FMN1: variants seen among roughly 807,000 people sequenced by gnomAD.
FMN1 encodes the protein formin-1.
Under a neutral mutation model 132.4 loss-of-function variants are expected in FMN1, and 110 were observed. That is an observed-to-expected ratio of 0.83 (90% confidence interval 0.71 to 0.97). The LOEUF (loss-of-function observed/expected upper bound fraction) is 0.97. FMN1 is among the 50% of genes least tolerant of loss of function. The pLI is 0.00. For missense variants in FMN1, 1,792 were observed against 1,705.3 expected, an observed-to-expected ratio of 1.05 and a Z score of -0.90; for synonymous variants, 722 against 651.7, an observed-to-expected ratio of 1.11 and a Z score of -1.64.
At chr15:32,919,157 T>TGGG (rs36036866) in intron 10 of FMN1, among the ~76,000 whole-genome samples, 25 of 151,654 alleles carry the variant, frequency 1.6e-4, no homozygotes, top group Admixed American at 9.9e-4. Context: ...CATATTGTGA[T>TGGG]GGGGGGGGTA....
intron 6 of FMN1, among the ~76,000 whole-genome samples, chr15:33,048,043 A>C (rs966068354): frequency 6.6e-6 from 1 of 152,252 alleles, no homozygotes; most frequent in African/African-American, 2.4e-5. Flanking sequence ...AAAAATTAAA[A>C]ACTGTAATGC....
chr15:32,777,502 A>ATATATT (rs1491132880), intron 19 of FMN1, among the ~76,000 whole-genome samples: 8 of 141,392 alleles, frequency 5.7e-5, no homozygotes, highest in African/African-American at 7.8e-5. Context: ...ATTACGTATA[A>ATATATT]CATATAACAC....
rs200289402 is a variant in FMN1, at chr15:33,008,073, A to G, written c.2164T>C (p.Tyr722His). ...TTCAAGTGTAAAATAGCAGCTTGGT[A>G]TTCTGTAAAATCAAAAAAGAGGCCA... Reference protein sequence around the residue: ...KVGLKYTEAEYQAAILHLKRE... With the variant: ...KVGLKYTEAEHQAAILHLKRE... Residue 722 changes from tyrosine to histidine, a missense_variant and splice_region_variant, in exon 7 of 21, where the codon TAC becomes CAC. Physicochemically the swap from Tyr to His is moderately conservative, Grantham distance 83. Around this residue, in one of 3 missense-constraint regions of FMN1, gnomAD observed 1,150 missense variants for 1,043.1 expected, o/e 1.10. Coordinates refer to ENST00000616417, the MANE Select transcript of FMN1 (RefSeq NM_001277313.2). 1.3e-5 allele frequency: 20 copies of G among 1,591,838 alleles called. No individual in the cohort carries two copies. In the East Asian group the frequency reaches 4.5e-4, roughly 36 times the overall value.
intron 7 of FMN1, among the ~76,000 whole-genome samples, chr15:32,995,409 T>G (rs2033705482): frequency 6.6e-6 from 1 of 152,158 alleles, no homozygotes; most frequent in African/African-American, 2.4e-5. Context: ...CTGCGTAATA[T>G]TAGGTCCTCA....
chr15:32,827,518 C>T (rs960775778), intron 17 of FMN1, among the ~76,000 whole-genome samples: 4 of 152,104 alleles, frequency 2.6e-5, no homozygotes, highest in African/African-American at 9.7e-5. Flanking sequence ...AATCATTTCA[C>T]ATTATTGTCT....
At position 33,155,019 on chromosome 15, in the gene FMN1, G is replaced by T; in HGVS notation, c.-105C>A. On this transcript the variant is annotated 5_prime_UTR_variant, in exon 4 of 21. Transcript: ENST00000616417. Reference sequence around the variant, plus strand: ...TGGTGGCTATGCAGAGAAAGCAGCTGACAGTCATCTCCAGCAATGAGACTG... The same window carrying T: ...TGGTGGCTATGCAGAGAAAGCAGCTTACAGTCATCTCCAGCAATGAGACTG... 1.2e-6 allele frequency: 1 copy of T among 868,054 alleles called. No individual in the cohort carries two copies. The highest frequency in any genetic ancestry group is 1.7e-6 in the Non-Finnish European group (1 of 580,844). The allele number at this position is 868,054 out of a possible 1,614,324, so 53.8% of individuals were successfully genotyped here.
chr15:32,905,104 C>CTAA (rs1414795381), intron 12 of FMN1, among the ~76,000 whole-genome samples: 1 of 152,182 alleles, frequency 6.6e-6, no homozygotes, highest in East Asian at 1.9e-4. Context: ...CCAATGTAGG[C>CTAA]TAATACTTCT....
chr15:33,111,593 G>A lies in FMN1; in HGVS notation c.1868-22619C>T, dbSNP rs557120286. 1.5e-4 allele frequency among the ~76,000 whole-genome samples: 23 copies of A among 148,406 alleles called. 1 individual carries two copies. The highest frequency in any genetic ancestry group is 1.0e-3 in the Admixed American group (15 of 14,994). On this transcript the variant is annotated intron_variant, in intron 4 of 20. Transcript: ENST00000616417. ...ATAACTCAAATGTTTGTCTACTTAT[G>A]AATGGATAAACAAAATGTGCTATAT...
intron 7 of FMN1, among the ~76,000 whole-genome samples, chr15:33,000,256 C>G (rs1314148717): frequency 6.6e-6 from 1 of 151,850 alleles, no homozygotes; most frequent in Non-Finnish European, 1.5e-5. Flanking sequence ...AAGACTATGC[C>G]GGCTAACACG....
chr15:33,033,550 T>C (rs2036045759), intron 6 of FMN1, among the ~76,000 whole-genome samples: 1 of 152,116 alleles, frequency 6.6e-6, no homozygotes, highest in African/African-American at 2.4e-5. Context: ...TACATCAAAT[T>C]TTCCCTCTCT....
chr15:33,043,443 A>T (rs551270355), intron 6 of FMN1, among the ~76,000 whole-genome samples: 1 of 152,164 alleles, frequency 6.6e-6, no homozygotes, highest in Non-Finnish European at 1.5e-5. Context: ...TTTCCTGTAC[A>T]TCACTTGCCT....
At chr15:32,941,098 C>T (rs1290198918) in intron 9 of FMN1, among the ~76,000 whole-genome samples, 1 of 152,042 alleles carries the variant, frequency 6.6e-6, no homozygotes, top group African/African-American at 2.4e-5. Context: ...GCTGCAGGAA[C>T]CAATAATATG....
chr15:32,880,599 T>C (rs1288357702), intron 16 of FMN1, among the ~76,000 whole-genome samples: 1 of 152,208 alleles, frequency 6.6e-6, no homozygotes. Context: ...CTTTCTTTAG[T>C]AGCATCCTGA....
rs542653773 is a variant in FMN1 at position 33,051,731 on chromosome 15, A to C, written c.2161+13226T>G. ...CTCAAGTGAGCACGTGTACAACTCC[A>C]ATAAACACACTGTACATGCAGCCCC... On this transcript the variant is annotated intron_variant, in intron 6 of 20. Transcript: ENST00000616417. Among the ~76,000 whole-genome samples the C allele has an allele frequency of 2.0e-4, 31 of 152,328 alleles. No individual in the cohort carries two copies. The South Asian group carries it at 2.5e-3, about 12-fold the overall frequency.
At chr15:33,110,472 T>A (rs1566924151) in intron 4 of FMN1, among the ~76,000 whole-genome samples, 1 of 152,012 alleles carries the variant, frequency 6.6e-6, no homozygotes, top group East Asian at 1.9e-4. Context: ...TTTTTTCGTA[T>A]CCTTATGAAT....
intron 17 of FMN1, among the ~76,000 whole-genome samples, chr15:32,852,112 T>C (rs923730632): frequency 6.6e-6 from 1 of 152,210 alleles, no homozygotes; most frequent in Non-Finnish European, 1.5e-5. Context: ...ACTTGAACCT[T>C]TGTCTCATCT....
intron 4 of FMN1, chr15:33,105,791 A>G (rs1033193347): frequency 1.3e-5 from 2 of 148,426 alleles, no homozygotes; most frequent in Non-Finnish European, 3.0e-5. Flanking sequence ...TAAGGTTATA[A>G]AATGTTGTAA....
intron 19 of FMN1, among the ~76,000 whole-genome samples, chr15:32,787,197 T>C (rs768907004): frequency 3.9e-5 from 6 of 152,230 alleles, no homozygotes; most frequent in Non-Finnish European, 8.8e-5. Flanking sequence ...AGGGAAATTT[T>C]TTCCTTGCTG....
chr15:32,901,709 C>T (rs568706165), intron 13 of FMN1, among the ~76,000 whole-genome samples: 9 of 152,126 alleles, frequency 5.9e-5, no homozygotes, highest in Middle Eastern at 3.4e-3. Flanking sequence ...CCTCCTTCTC[C>T]CTCTTCATCC....
Sources: gnomAD v4.1 joint callset for allele counts (sites outside exome capture counted in the v4.1 genomes callset) on GRCh38, gnomAD v4.1.1 for gene constraint, gnomAD v4.1.1 regional missense constraint, MANE v1.5 for transcripts, NCBI Gene and HGNC (gene_info 2026-07-23, HGNC 2026-07-21) for gene names.